Variants in PLXNC1 observed in about 807,000 individuals in gnomAD.
The protein encoded by PLXNC1 is plexin C1.
PLXNC1 carries 75 observed loss-of-function variants against 178.2 expected under a neutral mutation model. The ratio of observed to expected loss-of-function variants is 0.42; its 90% CI spans 0.35 to 0.51. The LOEUF is 0.51. PLXNC1 is among the 20% of genes least tolerant of loss of function. The probability of loss-of-function intolerance (pLI) is 0.02; values close to 1 mark genes in which losing one functional copy is unlikely to be tolerated. For synonymous variants in PLXNC1, 790 were observed against 779.9 expected (o/e 1.01, Z -0.22); for missense variants, 1,503 against 1,984.4 (o/e 0.76, Z 4.61).
intron 9 of PLXNC1, among the ~76,000 whole-genome samples, chr12:94,236,898 A>C (rs1031384177): frequency 2.0e-4 from 31 of 151,544 alleles, no homozygotes; most frequent in African/African-American, 7.3e-4. Flanking sequence ...TCTTGCTATC[A>C]AATAAAGGGC....
At chr12:94,204,471 T>TA (rs1399193722) in intron 4 of PLXNC1, among the ~76,000 whole-genome samples, 3 of 152,262 alleles carry the variant, frequency 2.0e-5, no homozygotes, top group Non-Finnish European at 2.9e-5. Context: ...GTTATTAGCA[T>TA]AATTTTATCA....
At chr12:94,160,751 GAAT>G (rs1257939164) in intron 1 of PLXNC1, among the ~76,000 whole-genome samples, 1 of 152,108 alleles carries the variant, frequency 6.6e-6, no homozygotes, top group Non-Finnish European at 1.5e-5. Flanking sequence ...CCCCCTGACA[GAAT>G]AATGTTTTTT....
At chr12:94,213,482 C>T (rs1328356670) in intron 5 of PLXNC1, among the ~76,000 whole-genome samples, 2 of 152,192 alleles carry the variant, frequency 1.3e-5, no homozygotes, top group African/African-American at 2.4e-5. Flanking sequence ...TATCCTTTGC[C>T]TACTTTTTGA....
intron 17 of PLXNC1, 98 bp from the exon 18 acceptor site, chr12:94,259,239 T>C (rs1964932056): frequency 2.4e-6 from 2 of 847,894 alleles, no homozygotes; most frequent in Non-Finnish European, 3.9e-6. Flanking sequence ...GCAAATAGTG[T>C]CTCTACTTTA....
intron 14 of PLXNC1, among the ~76,000 whole-genome samples, chr12:94,250,649 A>G (rs1055476584): frequency 6.6e-6 from 1 of 152,242 alleles, no homozygotes; most frequent in Non-Finnish European, 1.5e-5. Context: ...ACCCAAAAAA[A>G]TGCTAAAACT....
chr12:94,196,506 C>T (rs1216867271), intron 4 of PLXNC1, among the ~76,000 whole-genome samples: 1 of 152,192 alleles, frequency 6.6e-6, no homozygotes, highest in Non-Finnish European at 1.5e-5. Context: ...ACCCATGCTT[C>T]CTGTACAGCC....
intron 6 of PLXNC1, among the ~76,000 whole-genome samples, chr12:94,223,366 AT>A (rs1277385970): frequency 1.3e-5 from 2 of 152,210 alleles, no homozygotes; most frequent in African/African-American, 4.8e-5. Context: ...ACAGAAGGGG[AT>A]TTGAAAGGTG....
chr12:94,298,572 G>C (rs951193022), intron 26 of PLXNC1, 60 bp from the exon 27 acceptor site: 1 of 1,349,458 alleles, frequency 7.4e-7, no homozygotes, highest in African/African-American at 1.5e-5. Context: ...TTGCTATTAT[G>C]TTTTCAAAAC....
chr12:94,181,678 GT>G, intron 3 of PLXNC1, 98 bp downstream of exon 3: 1 of 1,048,136 alleles, frequency 9.5e-7, no homozygotes, highest in Non-Finnish European at 1.4e-6. Context: ...GAACTACAGA[GT>G]TTAAGCAGTG....
chr12:94,238,410 C>T (rs573644138), intron 10 of PLXNC1, among the ~76,000 whole-genome samples: 41 of 152,158 alleles, frequency 2.7e-4, no homozygotes, highest in Non-Finnish European at 4.6e-4. Context: ...CTTTCCCAAA[C>T]TCATCACATC....
At position 94,263,109 on chromosome 12, in the gene PLXNC1, C is replaced by T. The variant is rs1483646596; in HGVS notation, c.3451-1970C>T. ...AATCACGTACGCAGCGGCTGTGGCTCGCCTAAAAGTTGTGTTTAGTGGTGA... is the reference window on the plus strand; with the variant it reads ...AATCACGTACGCAGCGGCTGTGGCTTGCCTAAAAGTTGTGTTTAGTGGTGA... On this transcript the variant is annotated intron_variant, in intron 20 of 30. Transcript: ENST00000258526. Among the ~76,000 whole-genome samples, 4 of 152,162 alleles carry T rather than the reference C, an allele frequency of 2.6e-5. No homozygotes were observed. The East Asian group carries it at 7.7e-4, about 29-fold the overall frequency.
chr12:94,192,390 C>G (rs1301174573), intron 4 of PLXNC1, among the ~76,000 whole-genome samples: 1 of 151,684 alleles, frequency 6.6e-6, no homozygotes, highest in Non-Finnish European at 1.5e-5. Context: ...GGATACAGTT[C>G]TTTCTTGTCT....
rs921684647 is a variant in PLXNC1 at position 94,307,517 on chromosome 12, T to TAACA, written c.*2233_*2236dup. ...AAAACCATTTATAAACTTTTTTTTC[T>TAACA]AACACTAGTGTCTACAGCAGCATTC... On this transcript the variant is annotated 3_prime_UTR_variant, in exon 31 of 31. Transcript: ENST00000258526. The TAACA allele has an allele frequency of 3.3e-5, 5 of 152,220 alleles. No individual in the cohort carries two copies. Among genetic ancestry groups the TAACA allele is most frequent in the East Asian group, 1.9e-4 (1 of 5,198 alleles). The allele number at this position is 152,220 out of a possible 1,614,324, so 9.4% of individuals were successfully genotyped here.
At chr12:94,244,099 G>A in intron 12 of PLXNC1, 74 bp downstream of exon 12, 1 of 814,458 alleles carries the variant, frequency 1.2e-6, no homozygotes, top group Non-Finnish European at 2.0e-6. Flanking sequence ...ATGCTATGTT[G>A]GGGGTATTTT....
intron 3 of PLXNC1, among the ~76,000 whole-genome samples, chr12:94,183,914 G>A (rs550074954): frequency 1.3e-5 from 2 of 152,246 alleles, no homozygotes; most frequent in South Asian, 2.1e-4. Context: ...CAAATATAAC[G>A]CCTAAAGAGA....
At chr12:94,173,118 G>A (rs1409593653) in intron 2 of PLXNC1, among the ~76,000 whole-genome samples, 5 of 151,950 alleles carry the variant, frequency 3.3e-5, no homozygotes, top group Admixed American at 6.6e-5. Context: ...TTTTTCAGTC[G>A]TCAGCATCTC....
At chr12:94,296,159 C>T (rs920989347) in intron 24 of PLXNC1, among the ~76,000 whole-genome samples, 4 of 151,968 alleles carry the variant, frequency 2.6e-5, no homozygotes, top group African/African-American at 4.8e-5. Context: ...AAGATGTGCT[C>T]GTCTCTCTCA....
intron 5 of PLXNC1, among the ~76,000 whole-genome samples, chr12:94,219,079 C>G (rs1413295050): frequency 6.6e-6 from 1 of 152,092 alleles, no homozygotes; most frequent in Admixed American, 6.5e-5. Context: ...GTCCCCTCAA[C>G]CCCTTTGGAT....
chr12:94,288,209 A>G (rs1213769434), intron 23 of PLXNC1, among the ~76,000 whole-genome samples: 1 of 152,174 alleles, frequency 6.6e-6, no homozygotes, highest in Non-Finnish European at 1.5e-5. Flanking sequence ...CCCAGGGTGA[A>G]TCTCGTGTCT....
Sources: gnomAD v4.1 joint callset for allele counts (sites outside exome capture counted in the v4.1 genomes callset) on GRCh38, gnomAD v4.1.1 for gene constraint, MANE v1.5 for transcripts, NCBI Gene and HGNC (gene_info 2026-07-23, HGNC 2026-07-21) for gene names.